The following PPM1L variants were observed in gnomAD, a reference collection of about 807,000 sequenced individuals.
The protein encoded by PPM1L is protein phosphatase 1L.
Under a neutral mutation model 31.4 loss-of-function variants are expected in PPM1L, and 13 were observed. The observed-to-expected ratio is 0.41, with a 90% CI of 0.27 to 0.66. The LOEUF is 0.66. Ranked by LOEUF, PPM1L falls within the 30% of genes least tolerant of loss-of-function variation. The probability of loss-of-function intolerance (pLI) is 0.29; values close to 1 mark genes in which losing one functional copy is unlikely to be tolerated. For synonymous variants in PPM1L, 184 were observed against 175.4 expected (o/e 1.05, Z -0.39); for missense variants, 326 against 453.7 (o/e 0.72, Z 2.56).
chr3:160,899,028 C>G (rs1037996087), intron 1 of PPM1L, among the ~76,000 whole-genome samples: 2 of 152,116 alleles, frequency 1.3e-5, no homozygotes, highest in Non-Finnish European at 2.9e-5. Context: ...TTCCAGTGTT[C>G]ATAATAGCTT....
intron 2 of PPM1L, among the ~76,000 whole-genome samples, chr3:161,033,007 G>A (rs916073920): frequency 2.0e-5 from 3 of 151,020 alleles, no homozygotes; most frequent in Non-Finnish European, 2.9e-5. Flanking sequence ...CAGAAAAGTT[G>A]TAAAGTATTG....
intron 1 of PPM1L, among the ~76,000 whole-genome samples, chr3:160,853,791 G>C (rs374647618): frequency 1.6e-4 from 25 of 152,110 alleles, no homozygotes; most frequent in African/African-American, 6.0e-4. Flanking sequence ...TTGATACAAA[G>C]TATTGGTAAA....
chr3:160,964,918 G>A (rs1716087219), intron 2 of PPM1L, among the ~76,000 whole-genome samples: 1 of 151,992 alleles, frequency 6.6e-6, no homozygotes, highest in Admixed American at 6.6e-5. Flanking sequence ...TTACTATTTA[G>A]CAGAAAAATA....
intron 1 of PPM1L, among the ~76,000 whole-genome samples, chr3:160,956,466 T>C (rs1715779137): frequency 6.6e-6 from 1 of 152,244 alleles, no homozygotes; most frequent in South Asian, 2.1e-4. Flanking sequence ...CCAGGTGTAA[T>C]TAACATCCTG....
intron 3 of PPM1L, among the ~76,000 whole-genome samples, chr3:161,068,542 T>C (rs1719810503): frequency 6.6e-6 from 1 of 152,208 alleles, no homozygotes; most frequent in Non-Finnish European, 1.5e-5. Flanking sequence ...TAAAAACCAA[T>C]GCCCTCCCCC....
At chr3:160,829,318 A>G (rs1713447527) in intron 1 of PPM1L, among the ~76,000 whole-genome samples, 2 of 152,090 alleles carry the variant, frequency 1.3e-5, no homozygotes. Flanking sequence ...TAATATGTCA[A>G]TGAGAGAATC....
intron 1 of PPM1L, among the ~76,000 whole-genome samples, chr3:160,871,857 G>A (rs183770476): frequency 5.1e-4 from 76 of 150,382 alleles, no homozygotes; most frequent in Middle Eastern, 3.4e-3. Flanking sequence ...TTTTTATTAT[G>A]GTTCACATTG....
intron 3 of PPM1L, among the ~76,000 whole-genome samples, chr3:161,067,310 CCT>C (rs1007738438): frequency 3.3e-5 from 5 of 152,208 alleles, no homozygotes; most frequent in African/African-American, 9.6e-5. Flanking sequence ...GTTAATCTAA[CCT>C]CTCTGTTCTT....
In PPM1L at chr3:160,944,748, A is replaced by T. The variant is rs1236533386; in HGVS notation, c.400-16988A>T. On this transcript the variant is annotated intron_variant, in intron 1 of 3. Coordinates refer to ENST00000498165, the MANE Select transcript of PPM1L (RefSeq NM_139245.4). ...TATATAACATGTTATATATTATATA[A>T]TATATATGTTATATATAACATGTTA... Among the ~76,000 whole-genome samples the T allele has an allele frequency of 1.3e-4, 11 of 87,918 alleles. 1 individual carries two copies. Among genetic ancestry groups the T allele is most frequent in the African/African-American group, 3.2e-4 (9 of 27,912 alleles). 57.7% of individuals were successfully genotyped at this position (87,918 alleles called of 152,430 possible).
intron 2 of PPM1L, among the ~76,000 whole-genome samples, chr3:161,051,553 A>G (rs1031856471): frequency 1.3e-5 from 2 of 152,190 alleles, no homozygotes; most frequent in East Asian, 1.9e-4. Context: ...TAGGCCAGAT[A>G]TAACTAATAT....
chr3:160,984,474 C>T lies in PPM1L; in HGVS notation c.574+22564C>T, dbSNP rs910515899. Among the ~76,000 whole-genome samples the T allele has an allele frequency of 5.3e-5, 8 of 152,164 alleles. No individual in the cohort carries two copies. The South Asian group carries it at 6.2e-4, about 12-fold the overall frequency. ...ACACATGCTCTACAAACAATTTGTG[C>T]AGTTAACACAATCACCACAGGGTCC... On this transcript the variant is annotated intron_variant, in intron 2 of 3. Coordinates refer to ENST00000498165, the MANE Select transcript of PPM1L (RefSeq NM_139245.4).
chr3:160,916,404 A>G (rs1714183466), intron 1 of PPM1L, among the ~76,000 whole-genome samples: 2 of 152,186 alleles, frequency 1.3e-5, no homozygotes, highest in African/African-American at 4.8e-5. Context: ...ACCACCGGAA[A>G]TTATTAAAAA....
intron 2 of PPM1L, among the ~76,000 whole-genome samples, chr3:161,019,167 T>C (rs1718169530): frequency 6.6e-6 from 1 of 151,922 alleles, no homozygotes; most frequent in Non-Finnish European, 1.5e-5. Context: ...AAGATACTTG[T>C]GGTCATTCTG....
chr3:160,831,646 C>T (rs921335713), intron 1 of PPM1L, among the ~76,000 whole-genome samples: 1 of 152,110 alleles, frequency 6.6e-6, no homozygotes, highest in Non-Finnish European at 1.5e-5. Context: ...GCCTCCCCAC[C>T]GAATAATCTG....
chr3:160,947,713 A>C (rs533429220), intron 1 of PPM1L, among the ~76,000 whole-genome samples: 2 of 152,330 alleles, frequency 1.3e-5, no homozygotes, highest in East Asian at 3.9e-4. Context: ...ATTCATGGGT[A>C]GTGGTGACAA....
intron 1 of PPM1L, among the ~76,000 whole-genome samples, chr3:160,851,504 T>G (rs1345580706): frequency 6.6e-6 from 1 of 152,170 alleles, no homozygotes; most frequent in African/African-American, 2.4e-5. Context: ...GTTTTCTAGT[T>G]GAGGTAAATT....
At chr3:160,760,979 T>A (rs923624285) in intron 1 of PPM1L, among the ~76,000 whole-genome samples, 27 of 152,326 alleles carry the variant, frequency 1.8e-4, no homozygotes, top group Admixed American at 1.1e-3. Flanking sequence ...GTCTTGAGGC[T>A]CAGCACTTCT....
At chr3:160,849,941 G>A (rs895216184) in intron 1 of PPM1L, among the ~76,000 whole-genome samples, 1 of 152,162 alleles carries the variant, frequency 6.6e-6, no homozygotes, top group Admixed American at 6.5e-5. Context: ...AAAATATGTG[G>A]AGGTTTTTCC....
At chr3:160,920,316 T>C (rs928869131) in intron 1 of PPM1L, among the ~76,000 whole-genome samples, 1 of 152,074 alleles carries the variant, frequency 6.6e-6, no homozygotes, top group African/African-American at 2.4e-5. Context: ...CCAACTGCAC[T>C]CCCAGCTTGC....
Sources: gnomAD v4.1 joint callset for allele counts (sites outside exome capture counted in the v4.1 genomes callset) on GRCh38, gnomAD v4.1.1 for gene constraint, MANE v1.5 for transcripts, NCBI Gene and HGNC (gene_info 2026-07-23, HGNC 2026-07-21) for gene names.